Variants in KCNH2 observed in about 807,000 individuals in gnomAD.
KCNH2 encodes potassium voltage-gated channel subfamily H member 2.
Under a neutral mutation model 95.9 loss-of-function variants are expected in KCNH2, and 35 were observed. That is an observed-to-expected ratio of 0.37 (90% CI 0.28 to 0.48). The LOEUF is 0.48. Among genes scored for constraint, KCNH2 ranks in the 20% least tolerant of loss-of-function variants. The pLI, the probability that KCNH2 is intolerant of heterozygous loss-of-function variation, is 0.99. For missense variants in KCNH2, 1,274 were observed against 1,702.9 expected (o/e 0.75, Z 4.43); for synonymous variants, 786 against 754.7 (o/e 1.04, Z -0.68).
Position 150,948,955 on chromosome 7 carries a change from G to A in KCNH2, c.2493C>T (p.His831=). The A allele has an allele frequency of 6.2e-7, 1 of 1,614,202 alleles. No individual in the cohort carries two copies. Among genetic ancestry groups the A allele is most frequent in the Non-Finnish European group, 8.5e-7 (1 of 1,180,020 alleles). The change falls in exon 10 of 15, where the codon CAC becomes CAT. Residue 831 remains histidine, a synonymous_variant. Transcript: ENST00000262186. The part of the protein sequence containing the change: ...DVRALTYCDL[H]KIHRDDLLEV... ...CCAGCAGGTCGTCCCGATGGATCTT[G>A]TGTAGGTCACAGTAGGTGAGGGCCC...
rs552583527 is a variant in KCNH2 at position 150,958,158 on chromosome 7, G to T, written c.817C>A (p.Arg273=). The change falls in exon 4 of 15, where the codon CGA becomes AGA. Residue 273 remains arginine, a synonymous_variant. Coordinates refer to ENST00000262186, the MANE Select transcript of KCNH2 (RefSeq NM_000238.4). ...CGGCGCACGCTGGCGCAGCTTTCTC[G>T]GGAGCGCGTCCGGGCCAGGCTGCAG... ...SSCSLARTRS[R]ESCASVRRAS... 26 of 1,334,908 alleles carry T rather than the reference G, an allele frequency of 1.9e-5. No individual in the cohort carries two copies. The highest frequency in any genetic ancestry group is 2.4e-5 in the Non-Finnish European group (25 of 1,045,358). 82.7% of individuals were successfully genotyped at this position (1,334,908 alleles called of 1,614,324 possible). A position where few individuals can be genotyped will look rare whatever the true frequency, so the allele number is the denominator to read the frequency against.
chr7:150,957,782 G>A (rs1038458842), intron 4 of KCNH2, among the ~76,000 whole-genome samples: 3 of 152,206 alleles, frequency 2.0e-5, no homozygotes, highest in Admixed American at 1.3e-4. Context: ...GGCTGGGCAC[G>A]TCTCCTGCCC....
At chr7:150,976,740 A>AC (rs889039984) in intron 1 of KCNH2, among the ~76,000 whole-genome samples, 1 of 50,406 alleles carries the variant, frequency 2.0e-5, no homozygotes, top group Non-Finnish European at 4.0e-5. Context: ...ACCCCCCCCC[A>AC]CATCCATCCC....
chr7:150,974,728 G>A lies in KCNH2; in HGVS notation c.290C>T (p.Ala97Val). 2 of 1,602,366 alleles carry A rather than the reference G, an allele frequency of 1.2e-6. No homozygotes were observed. Among genetic ancestry groups the A allele is most frequent in the African/African-American group, 1.3e-5 (1 of 74,786 alleles). ...LGAEERKVEI[A>V]FYRKDGSCFL... ...GCTCCTACCATCTTTCCGGTAGAAG[G>A]CGATTTCCACTTTGCGCTCCTCGGC... Residue 97 changes from alanine (A) to valine (V), a missense_variant, in exon 2 of 15, where the codon GCC (alanine) becomes GTC (valine). Ala to Val is a moderately conservative substitution (Grantham distance 64, BLOSUM62 0). Coordinates refer to ENST00000262186, the MANE Select transcript of KCNH2 (RefSeq NM_000238.4).
At chr7:150,955,876 C>T in intron 5 of KCNH2, 1 of 1,005,556 alleles carries the variant, frequency 9.9e-7, no homozygotes, top group Non-Finnish European at 1.2e-6. Context: ...ACTAGGCTCC[C>T]CCGCCCCGCC....
chr7:150,957,186 C>T, intron 5 of KCNH2, 105 bp downstream of exon 5: 1 of 942,722 alleles, frequency 1.1e-6, no homozygotes, highest in Non-Finnish European at 1.7e-6. Flanking sequence ...TCCAAGAGGC[C>T]CTCACTGGCT....
chr7:150,947,655 G>A lies in KCNH2; in HGVS notation c.2916C>T (p.Pro972=), dbSNP rs1800959026. 6.2e-7 allele frequency: 1 copy of A among 1,611,198 alleles called. No homozygotes were observed. Among genetic ancestry groups the A allele is most frequent in the African/African-American group, 1.3e-5 (1 of 75,008 alleles). The part of the protein sequence containing the change: ...RPPGEPPGGE[P]LMEDCEKSSD... ...TGCTCTTCTCGCAGTCCTCCATCAG[G>A]GGCTCCCCACCCGGCGGCTCTCCGG... Residue 972 remains proline (P), a synonymous_variant, in exon 12 of 15, where the codon CCC becomes CCT. Transcript: ENST00000262186.
chr7:150,967,420 G>T (rs1253003803), intron 2 of KCNH2, among the ~76,000 whole-genome samples: 2 of 152,222 alleles, frequency 1.3e-5, no homozygotes, highest in Non-Finnish European at 2.9e-5. Context: ...ATAGGTTTTT[G>T]TTAAGCTATA....
chr7:150,958,400 C>G lies in KCNH2; in HGVS notation c.575G>C (p.Gly192Ala). 6.9e-7 allele frequency: 1 copy of G among 1,451,014 alleles called. No homozygotes were observed. Among genetic ancestry groups the G allele is most frequent in the East Asian group, 3.0e-5 (1 of 33,118 alleles). The allele number at this position is 1,451,014 out of a possible 1,614,324, so 89.9% of individuals were successfully genotyped here. A position where few individuals can be genotyped will look rare whatever the true frequency, so the allele number is the denominator to read the frequency against. The change falls in exon 4 of 15, where the codon GGG (glycine) becomes GCG (alanine). Residue 192 changes from glycine to alanine, a missense_variant. Gly to Ala is a moderately conservative substitution (Grantham distance 60, BLOSUM62 0). This residue lies in a region of KCNH2 where 392 missense variants were observed against 429.9 expected (regional missense o/e 0.91). Coordinates refer to ENST00000262186, the MANE Select transcript of KCNH2 (RefSeq NM_000238.4). ...SGGAGGAGAP[G>A]AVVVDVDLTP... ...CAGGTCCACGTCCACCACCACGGCC[C>G]CCGGGGCGCCCGCGCCGCCCGCGCC... is the stretch of plus-strand genomic sequence containing the variant.
In KCNH2 at chr7:150,948,895, G is replaced by A. The variant is rs1419598970; in HGVS notation, c.2553C>T (p.His851=). 1 of 1,614,242 alleles carries A rather than the reference G, an allele frequency of 6.2e-7. No homozygotes were observed. Among genetic ancestry groups the A allele is most frequent in the South Asian group, 1.1e-5 (1 of 91,080 alleles). ...AGGTGATCTCCAGGCTGGACCAGAA[G>A]TGGTCGGAGAACTCAGGGTACATGT... ...VLDMYPEFSD[H]FWSSLEITFN... Residue 851 remains histidine, a synonymous_variant, in exon 10 of 15, where the codon CAC becomes CAT. Transcript: ENST00000262186.
chr7:150,950,147 T>TGGGGGGGGGGGGGGGGTGGGGG, intron 9 of KCNH2, 21 bp downstream of exon 9: 1 of 843,282 alleles, frequency 1.2e-6, no homozygotes, highest in African/African-American at 1.7e-5. Flanking sequence ...TCCAGTCCAG[T>TGGGGGGGGGGGGGGGGTGGGGG]GCCCGCCCCC....
intron 3 of KCNH2, among the ~76,000 whole-genome samples, chr7:150,959,011 A>C (rs780021218): frequency 1.3e-4 from 20 of 152,310 alleles, no homozygotes; most frequent in East Asian, 1.2e-3. Context: ...AAATTAAGCC[A>C]AAGAGGGCAT....
intron 2 of KCNH2, among the ~76,000 whole-genome samples, chr7:150,968,724 G>A (rs1242381990): frequency 6.6e-6 from 1 of 152,164 alleles, no homozygotes; most frequent in Non-Finnish European, 1.5e-5. Flanking sequence ...ATTTGGGGGA[G>A]AGGCAGGACC....
Position 150,952,278 on chromosome 7 carries a change from C to T in KCNH2, c.1557+147G>A. ...CACCTTGCCTCTGCAGCTGCCTTGC[C>T]ACCATGTCTCTCTCCCACTGTCTTT... On this transcript the variant is annotated intron_variant, in intron 6 of 14. Transcript: ENST00000262186. The surrounding 1 kb of genome is among the most constrained non-coding windows in gnomAD (Gnocchi z 7.3). 1 of 937,024 alleles carries T rather than the reference C, an allele frequency of 1.1e-6. No homozygotes were observed. The highest frequency in any genetic ancestry group is 1.7e-6 in the Non-Finnish European group (1 of 605,962). 58.0% of individuals were successfully genotyped at this position (937,024 alleles called of 1,614,324 possible).
chr7:150,958,812 T>C (rs1483709255), intron 3 of KCNH2, among the ~76,000 whole-genome samples: 1 of 152,214 alleles, frequency 6.6e-6, no homozygotes, highest in Non-Finnish European at 1.5e-5. Context: ...AAAGGCGTCA[T>C]GTCACTCTCT....
rs1801590390 is a variant in KCNH2 at position 150,962,399 on chromosome 7, G to T, written c.308-2663C>A. On this transcript the variant is annotated intron_variant, in intron 2 of 14. Transcript: ENST00000262186. This position sits in a 1 kb window ranked among gnomAD's most constrained non-coding sequence, Gnocchi z 5.7. ...TGGACTCAAACTTCAGAATGGGCTG[G>T]AGACTGTCCCCAACACAGGGCCCCA... Among the ~76,000 whole-genome samples, 1 of 152,152 alleles carries T rather than the reference G, an allele frequency of 6.6e-6. No homozygotes were observed. The highest frequency in any genetic ancestry group is 2.4e-5 in the African/African-American group (1 of 41,432).
In KCNH2 at chr7:150,977,996, G is replaced by C. The variant is rs1046114222; in HGVS notation, c.-83C>G. ...GCACTAGGCTTCGGGTGGCCCGGCC[G>C]GGCCGTGGTCCCCGCACCCCGCGGC... On this transcript the variant is annotated 5_prime_UTR_variant, in exon 1 of 15. Transcript: ENST00000262186. 1 of 673,990 alleles carries C rather than the reference G, an allele frequency of 1.5e-6. No individual in the cohort carries two copies. Among genetic ancestry groups the C allele is most frequent in the African/African-American group, 1.9e-5 (1 of 51,542 alleles). 41.8% of individuals were successfully genotyped at this position (673,990 alleles called of 1,614,324 possible). A position where few individuals can be genotyped will look rare whatever the true frequency, so the allele number is the denominator to read the frequency against.
At chr7:150,956,869 C>A (rs1801392815) in intron 5 of KCNH2, among the ~76,000 whole-genome samples, 1 of 152,170 alleles carries the variant, frequency 6.6e-6, no homozygotes, top group African/African-American at 2.4e-5. Flanking sequence ...GACCCCTTCT[C>A]ATTTGAAGCC....
Position 150,978,275 on chromosome 7 carries a change from C to T in KCNH2, c.-362G>A, listed in dbSNP as rs990751801. The T allele has an allele frequency of 2.0e-5, 3 of 146,736 alleles. No individual in the cohort carries two copies. Among genetic ancestry groups the T allele is most frequent in the Non-Finnish European group, 4.6e-5 (3 of 65,822 alleles). 9.1% of individuals were successfully genotyped at this position (146,736 alleles called of 1,614,324 possible). ...ACCGCGCCGACAGCCGCTCCAGCGC[C>T]CGCGGCTCGGGCAGCGCCTGCGGCT... On this transcript the variant is annotated 5_prime_UTR_variant, in exon 1 of 15. Transcript: ENST00000262186.
Sources: gnomAD v4.1 joint callset for allele counts (sites outside exome capture counted in the v4.1 genomes callset) on GRCh38, gnomAD v4.1.1 for gene constraint, gnomAD v4.1.1 regional missense constraint, Gnocchi (gnomAD v3.1) non-coding constraint, MANE v1.5 for transcripts, NCBI Gene and HGNC (gene_info 2026-07-23, HGNC 2026-07-21) for gene names.